Variants in TTC39B observed in about 807,000 individuals in gnomAD.
The protein encoded by TTC39B is tetratricopeptide repeat protein 39B.
A neutral mutation model predicts 96.6 loss-of-function variants in TTC39B; 92 were observed. That is an observed-to-expected ratio of 0.95 (90% CI 0.80 to 1.13). The LOEUF (loss-of-function observed/expected upper bound fraction) is 1.13, where lower values mean the gene tolerates loss of function less well. TTC39B is among the 50% of genes most tolerant of loss of function. TTC39B has a pLI of 0.00. For synonymous variants in TTC39B, 367 were observed against 299.4 expected, an observed-to-expected ratio of 1.23 and a Z score of -2.33; for missense variants, 955 against 809.3, an observed-to-expected ratio of 1.18 and a Z score of -2.18.
chr9:15,220,847 C>A (rs2131385146), intron 3 of TTC39B, among the ~76,000 whole-genome samples: 1 of 152,256 alleles, frequency 6.6e-6, no homozygotes, highest in South Asian at 2.1e-4. Flanking sequence ...CAGATTCAGG[C>A]TACACATTTT....
intron 4 of TTC39B, among the ~76,000 whole-genome samples, chr9:15,213,938 A>G (rs938566438): frequency 6.6e-5 from 10 of 152,218 alleles, no homozygotes; most frequent in African/African-American, 1.9e-4. Context: ...ATGCAAAACA[A>G]TCAGAAATTT....
intron 18 of TTC39B, among the ~76,000 whole-genome samples, chr9:15,176,181 T>G (rs987439669): frequency 6.6e-6 from 1 of 152,144 alleles, no homozygotes; most frequent in Non-Finnish European, 1.5e-5. Context: ...CAACTCTTCT[T>G]CAGTATAGCC....
At chr9:15,184,710 C>T (rs997594039) in intron 16 of TTC39B, among the ~76,000 whole-genome samples, 20 of 152,180 alleles carry the variant, frequency 1.3e-4, no homozygotes, top group Admixed American at 1.3e-3. Flanking sequence ...GGAAATACAG[C>T]TAGACCAAAC....
exon 20 of TTC39B, chr9:15,166,979 A>ATTTTTTTT (rs1371714154): frequency 0.011 from 374 of 33,312 alleles, 13 homozygotes; most frequent in Non-Finnish European, 0.016. Context: ...ACAAACCTTT[A>ATTTTTTTT]TTTTATATAT....
At chr9:15,307,003 T>A in intron 1 of TTC39B, 81 bp downstream of exon 1, 1 of 1,551,312 alleles carries the variant, frequency 6.4e-7, no homozygotes, top group Non-Finnish European at 8.7e-7. Flanking sequence ...GCCTCGGCCG[T>A]CCTAGCCGGG....
intron 2 of TTC39B, among the ~76,000 whole-genome samples, chr9:15,247,211 G>A (rs1332496089): frequency 1.3e-5 from 2 of 152,150 alleles, no homozygotes; most frequent in African/African-American, 4.8e-5. Context: ...GGACTGGTAG[G>A]GAGAATATTT....
chr9:15,199,563 A>G (rs4741477), intron 8 of TTC39B, among the ~76,000 whole-genome samples: 99,042 of 150,274 alleles, frequency 0.66, 33,049 homozygotes, highest in East Asian at 0.88. Context: ...GTGAAACCCC[A>G]TCTCTACTAA....
In TTC39B at chr9:15,175,052, A is replaced by G. The variant is rs369151508; in HGVS notation, c.1925T>C (p.Ile642Thr). ...TTCTAGGAACTTTATGGCCTTGTCA[A>G]TTTCCCCCTGGCTTTTATACAAAGA... The change falls in exon 19 of 20, where the codon ATT becomes ACT. Residue 642 changes from isoleucine (I) to threonine (T), a missense_variant. By Grantham distance (89) the Ile-to-Thr change is moderately conservative (BLOSUM62 -1). Transcript: ENST00000512701. The G allele has an allele frequency of 6.2e-6, 10 of 1,613,590 alleles. No homozygotes were observed. In the African/African-American group the frequency reaches 1.3e-4, roughly 22 times the overall value.
chr9:15,232,876 C>T (rs1350127439), intron 2 of TTC39B, among the ~76,000 whole-genome samples: 2 of 152,196 alleles, frequency 1.3e-5, no homozygotes, highest in East Asian at 1.9e-4. Flanking sequence ...CTCCGCCCTT[C>T]TCAACTGGCT....
At chr9:15,222,097 G>A (rs1214293982) in intron 3 of TTC39B, among the ~76,000 whole-genome samples, 4 of 152,260 alleles carry the variant, frequency 2.6e-5, no homozygotes, top group South Asian at 2.1e-4. Context: ...CAGCTTTCCC[G>A]AGCTCAGTCA....
chr9:15,210,111 C>G, exon 6 of TTC39B: 1 of 1,607,504 alleles, frequency 6.2e-7, no homozygotes, highest in Non-Finnish European at 8.5e-7. Flanking sequence ...CTCCAGGGAT[C>G]CTCTAGAAAG....
intron 1 of TTC39B, among the ~76,000 whole-genome samples, chr9:15,305,235 A>T: frequency 6.6e-6 from 1 of 152,176 alleles, no homozygotes. Flanking sequence ...GCTCCTTTTT[A>T]GAGTTCTTGT....
intron 6 of TTC39B, among the ~76,000 whole-genome samples, chr9:15,204,944 T>G (rs960667592): frequency 6.6e-6 from 1 of 152,176 alleles, no homozygotes; most frequent in Non-Finnish European, 1.5e-5. Flanking sequence ...AAACCTTTAC[T>G]TTTTTCCATA....
chr9:15,187,842 C>T (rs892528334), intron 14 of TTC39B, 129 bp downstream of exon 14: 9 of 983,416 alleles, frequency 9.2e-6, no homozygotes, highest in East Asian at 8.2e-5. Context: ...GGCACATTTC[C>T]TCCTTTTGTG....
intron 2 of TTC39B, among the ~76,000 whole-genome samples, chr9:15,263,818 T>G (rs565132742): frequency 6.6e-6 from 1 of 152,156 alleles, no homozygotes; most frequent in Non-Finnish European, 1.5e-5. Context: ...CTATAATGTG[T>G]TGCTATAACC....
At chr9:15,173,591 ACT>A (rs1461588206) in intron 19 of TTC39B, among the ~76,000 whole-genome samples, 1 of 152,026 alleles carries the variant, frequency 6.6e-6, no homozygotes, top group African/African-American at 2.4e-5. Flanking sequence ...TGTCTTCCTA[ACT>A]CTCTTAATCT....
At chr9:15,277,341 T>C (rs1468439653) in intron 1 of TTC39B, among the ~76,000 whole-genome samples, 1 of 152,294 alleles carries the variant, frequency 6.6e-6, no homozygotes, top group South Asian at 2.1e-4. Flanking sequence ...GGCAGGAGAA[T>C]TGCTTGAACC....
exon 14 of TTC39B, chr9:15,188,055 T>G (rs777916444): frequency 6.2e-7 from 1 of 1,612,476 alleles, no homozygotes; most frequent in Non-Finnish European, 8.5e-7. Flanking sequence ...TAATCCACAT[T>G]AGCTCCCAGT....
intron 8 of TTC39B, among the ~76,000 whole-genome samples, chr9:15,195,670 CAAAAAAAAA>C (rs35318510): frequency 3.0e-5 from 2 of 66,318 alleles, no homozygotes; most frequent in African/African-American, 6.3e-5. Context: ...ACTCCATCTC[CAAAAAAAAA>C]AAAAAAAAAA....
Sources: allele counts gnomAD v4.1 joint callset (sites outside exome capture counted in the v4.1 genomes callset), GRCh38; gene constraint gnomAD v4.1.1; transcripts MANE v1.5; gene names NCBI Gene and HGNC (gene_info 2026-07-23, HGNC 2026-07-21).